Variants in SLC9C2 observed in about 807,000 individuals in gnomAD.
The protein encoded by SLC9C2 is solute carrier family 9 member C2 (putative).
Under a neutral mutation model 140.2 loss-of-function variants are expected in SLC9C2, and 75 were observed. The observed-to-expected ratio is 0.53, with a 90% CI of 0.44 to 0.65. SLC9C2 has a LOEUF of 0.65. Ranked by LOEUF, SLC9C2 falls within the 30% of genes least tolerant of loss-of-function variation. The pLI, the probability that SLC9C2 is intolerant of heterozygous loss-of-function variation, is 0.00. For synonymous variants in SLC9C2, 375 were observed against 420.9 expected (o/e 0.89, Z 1.34); for missense variants, 1,074 against 1,331.8 (o/e 0.81, Z 3.01).
chr1:173,509,716 C>A lies in SLC9C2; in HGVS notation c.2908-17G>T. On this transcript the variant is annotated splice_polypyrimidine_tract_variant and intron_variant, in intron 23 of 27. Coordinates refer to ENST00000367714, the MANE Select transcript of SLC9C2 (RefSeq NM_178527.4). ...AAAGCAGGCCTGAAACAAAAAGGAACCAGGCCATAGCAGCTTGATGTGGAA... is the reference window on the plus strand; with the variant it reads ...AAAGCAGGCCTGAAACAAAAAGGAAACAGGCCATAGCAGCTTGATGTGGAA... 6.3e-7 allele frequency: 1 copy of A among 1,577,442 alleles called. No homozygotes were observed. The highest frequency in any genetic ancestry group is 1.2e-5 in the South Asian group (1 of 83,998).
At chr1:173,556,588 C>A (rs906259628) in intron 10 of SLC9C2, among the ~76,000 whole-genome samples, 6 of 151,978 alleles carry the variant, frequency 3.9e-5, no homozygotes, top group African/African-American at 1.5e-4. Context: ...ACAAGAGTAT[C>A]ATTTTTTCAT....
chr1:173,576,007 C>T (rs1023055601), intron 8 of SLC9C2, among the ~76,000 whole-genome samples: 1 of 152,114 alleles, frequency 6.6e-6, no homozygotes, highest in Non-Finnish European at 1.5e-5. Context: ...ATGCATAGTC[C>T]TTATATTAAA....
At chr1:173,581,076 A>G (rs1017779583) in intron 7 of SLC9C2, among the ~76,000 whole-genome samples, 5 of 152,206 alleles carry the variant, frequency 3.3e-5, no homozygotes, top group African/African-American at 7.2e-5. Context: ...TCAGGTGGCA[A>G]TTAATCTGCA....
At chr1:173,537,297 G>A (rs1039972945) in intron 13 of SLC9C2, among the ~76,000 whole-genome samples, 1 of 152,088 alleles carries the variant, frequency 6.6e-6, no homozygotes, top group Admixed American at 6.6e-5. Context: ...ATGCCACTCA[G>A]CCAGGCATGG....
intron 23 of SLC9C2, among the ~76,000 whole-genome samples, chr1:173,517,148 T>G (rs144010329): frequency 3.5e-4 from 53 of 152,360 alleles, no homozygotes; most frequent in African/African-American, 1.2e-3. Context: ...TTTTGCCCAC[T>G]TTTTAATGGA....
intron 13 of SLC9C2, among the ~76,000 whole-genome samples, chr1:173,537,596 GTGTATATATA>G (rs72111089): frequency 0.34 from 51,777 of 150,870 alleles, 10,985 homozygotes; most frequent in East Asian, 0.64. Flanking sequence ...ATATATGTGT[GTGTATATATA>G]TGTATATATA....
intron 11 of SLC9C2, among the ~76,000 whole-genome samples, chr1:173,550,877 A>AGAGAGAGG (rs1553253813): frequency 2.8e-5 from 2 of 70,884 alleles, no homozygotes; most frequent in African/African-American, 1.1e-4. Context: ...GTTGAAAGAG[A>AGAGAGAGG]GAGAGAGAGA....
chr1:173,522,349 G>A (rs542616525), intron 21 of SLC9C2, among the ~76,000 whole-genome samples: 1 of 152,288 alleles, frequency 6.6e-6, no homozygotes, highest in East Asian at 1.9e-4. Context: ...AACATGAGTT[G>A]AAGACCTCCA....
intron 4 of SLC9C2, among the ~76,000 whole-genome samples, chr1:173,594,386 T>C (rs1666336169): frequency 1.3e-5 from 2 of 152,188 alleles, no homozygotes; most frequent in African/African-American, 4.8e-5. Flanking sequence ...TCATTATACA[T>C]TATATATATT....
chr1:173,526,572 CA>C, intron 19 of SLC9C2, 90 bp downstream of exon 19: 1 of 1,154,650 alleles, frequency 8.7e-7, no homozygotes, highest in Non-Finnish European at 1.3e-6. Context: ...AATGAATGAG[CA>C]AGTAAATGAA....
At chr1:173,590,725 G>A (rs745305709) in intron 4 of SLC9C2, among the ~76,000 whole-genome samples, 13 of 152,114 alleles carry the variant, frequency 8.5e-5, no homozygotes, top group Non-Finnish European at 1.9e-4. Flanking sequence ...TGGCCACTAA[G>A]TGACTAACGG....
chr1:173,528,024 AAG>A (rs1252984946), intron 18 of SLC9C2, among the ~76,000 whole-genome samples: 1 of 152,162 alleles, frequency 6.6e-6, no homozygotes, highest in African/African-American at 2.4e-5. Context: ...GGTGCAAAGA[AAG>A]CAGCTAGGCC....
At chr1:173,542,108 C>T (rs1259388615) in intron 13 of SLC9C2, among the ~76,000 whole-genome samples, 1 of 151,940 alleles carries the variant, frequency 6.6e-6, no homozygotes, top group African/African-American at 2.4e-5. Context: ...TGATAGACCG[C>T]TAGCAAGACT....
intron 9 of SLC9C2, among the ~76,000 whole-genome samples, chr1:173,563,732 T>G (rs1664269372): frequency 6.6e-6 from 1 of 152,154 alleles, no homozygotes; most frequent in South Asian, 2.1e-4. Flanking sequence ...CTCTTAGTTA[T>G]TTTTAATTGT....
At chr1:173,597,340 A>G (rs1666506498) in intron 4 of SLC9C2, among the ~76,000 whole-genome samples, 1 of 152,120 alleles carries the variant, frequency 6.6e-6, no homozygotes, top group Admixed American at 6.5e-5. Context: ...AACATGTGGG[A>G]TACCACTAAA....
At chr1:173,540,688 T>C (rs541531679) in intron 13 of SLC9C2, among the ~76,000 whole-genome samples, 35 of 152,342 alleles carry the variant, frequency 2.3e-4, no homozygotes, top group African/African-American at 8.2e-4. Context: ...AGATTTCTAA[T>C]ATTCCAGGAA....
At position 173,597,906 on chromosome 1, in the gene SLC9C2, G is replaced by A. The variant is rs1250526357; in HGVS notation, c.355C>T (p.Gln119Ter). 2 of 1,579,546 alleles carry A rather than the reference G, an allele frequency of 1.3e-6. No homozygotes were observed. Among genetic ancestry groups the A allele is most frequent in the Non-Finnish European group, 1.7e-6 (2 of 1,164,902 alleles). ...EFYTLKKMFW[Q>*]VLLTGLISFS... ...CTTTGTTTTAAATGTGTTCTTACCT[G>A]CCAAAACATTTTCTTGAGTGTATAA... The change falls in exon 4 of 28, where the codon CAG (glutamine) becomes TAG (stop). Residue 119 changes from glutamine to a stop codon, truncating the protein, a stop_gained and splice_region_variant. Coordinates refer to ENST00000367714, the MANE Select transcript of SLC9C2 (RefSeq NM_178527.4). LOFTEE classifies it high-confidence loss of function.
chr1:173,543,803 C>T (rs975215885), intron 13 of SLC9C2, among the ~76,000 whole-genome samples: 13 of 151,984 alleles, frequency 8.6e-5, no homozygotes, highest in East Asian at 7.7e-4. Context: ...GCTAGCCATA[C>T]GTAGAAAGCT....
intron 11 of SLC9C2, among the ~76,000 whole-genome samples, chr1:173,550,918 A>AG (rs1663252918): frequency 1.1e-5 from 1 of 88,594 alleles, no homozygotes; most frequent in African/African-American, 5.9e-5. Flanking sequence ...GAAGGAAGGG[A>AG]AGGGAAGAGG....
Sources: gnomAD v4.1 joint callset for allele counts (sites outside exome capture counted in the v4.1 genomes callset) on GRCh38, gnomAD v4.1.1 for gene constraint, MANE v1.5 for transcripts, NCBI Gene and HGNC (gene_info 2026-07-23, HGNC 2026-07-21) for gene names.